The following C8A variants were observed in gnomAD, a reference collection of about 807,000 sequenced individuals.
C8A encodes the protein complement C8 alpha chain.
In C8A, 67 loss-of-function variants were observed where a neutral mutation model predicts 65.3. The ratio of observed to expected loss-of-function variants is 1.03; its 90% CI spans 0.84 to 1.26. C8A has a LOEUF of 1.26. C8A is among the 50% of genes most tolerant of loss of function. C8A has a pLI of 0.00. For synonymous variants in C8A, 290 were observed against 259.4 expected (o/e 1.12, Z -1.13); for missense variants, 781 against 723.9 (o/e 1.08, Z -0.90).
At chr1:56,913,771 G>A (rs1453945688) in intron 10 of C8A, among the ~76,000 whole-genome samples, 1 of 152,206 alleles carries the variant, frequency 6.6e-6, no homozygotes, top group African/African-American at 2.4e-5. Context: ...AAACAAAGAA[G>A]TCTGGATGGG....
At chr1:56,887,322 G>A (rs572597683) in intron 7 of C8A, among the ~76,000 whole-genome samples, 5 of 152,208 alleles carry the variant, frequency 3.3e-5, no homozygotes, top group South Asian at 2.1e-4. Flanking sequence ...TCCCACCAAC[G>A]GGGTAAAAGC....
intron 9 of C8A, among the ~76,000 whole-genome samples, chr1:56,911,070 T>TTTTTTTG (rs1553177914): frequency 6.6e-6 from 1 of 151,638 alleles, no homozygotes; most frequent in African/African-American, 2.4e-5. Flanking sequence ...CATGGGTTTT[T>TTTTTTTG]TTTTTTTTTT....
intron 2 of C8A, among the ~76,000 whole-genome samples, chr1:56,873,302 G>T (rs952206236): frequency 5.3e-5 from 8 of 152,140 alleles, no homozygotes; most frequent in Non-Finnish European, 8.8e-5. Flanking sequence ...CAGAAACAGG[G>T]CTGGGGGCTT....
intron 5 of C8A, among the ~76,000 whole-genome samples, chr1:56,882,328 T>C (rs1388035453): frequency 1.3e-5 from 2 of 152,122 alleles, no homozygotes; most frequent in African/African-American, 2.4e-5. Flanking sequence ...ATGTGTCAGA[T>C]CTTCTACTTT....
intron 10 of C8A, 132 bp downstream of exon 10, chr1:56,912,757 AGT>A: frequency 2.6e-6 from 2 of 767,232 alleles, no homozygotes; most frequent in South Asian, 1.5e-5. Context: ...CACCCTTGAG[AGT>A]TCTGTTACTC....
At chr1:56,912,891 G>C (rs1174106025) in intron 10 of C8A, among the ~76,000 whole-genome samples, 1 of 152,176 alleles carries the variant, frequency 6.6e-6, no homozygotes, top group Non-Finnish European at 1.5e-5. Context: ...GAATAAACTA[G>C]TTTCCTAGGG....
intron 1 of C8A, among the ~76,000 whole-genome samples, chr1:56,864,389 G>A (rs77696206): frequency 0.056 from 8,502 of 152,184 alleles, 269 homozygotes; most frequent in South Asian, 0.13. Context: ...AAAGAGAAGA[G>A]GGGGTCTTAT....
intron 7 of C8A, among the ~76,000 whole-genome samples, chr1:56,894,054 G>T (rs1290606634): frequency 1.3e-5 from 2 of 152,134 alleles, no homozygotes; most frequent in Non-Finnish European, 2.9e-5. Flanking sequence ...GCTGTACAGT[G>T]TAGGTGTTAT....
intron 7 of C8A, among the ~76,000 whole-genome samples, chr1:56,903,363 A>G (rs907503284): frequency 6.6e-6 from 1 of 152,016 alleles, no homozygotes; most frequent in African/African-American, 2.4e-5. Flanking sequence ...GTGCCATGGG[A>G]AGAAGGATGT....
At chr1:56,857,653 A>C (rs1485770480) in intron 1 of C8A, among the ~76,000 whole-genome samples, 1 of 151,944 alleles carries the variant, frequency 6.6e-6, no homozygotes, top group Non-Finnish European at 1.5e-5. Context: ...CTTGGGTTTG[A>C]GTTCACCATT....
intron 10 of C8A, among the ~76,000 whole-genome samples, chr1:56,916,739 T>C (rs1419332422): frequency 1.3e-5 from 2 of 152,130 alleles, no homozygotes; most frequent in African/African-American, 4.8e-5. Context: ...AAAATAAACA[T>C]TGAAAAAAAC....
intron 2 of C8A, among the ~76,000 whole-genome samples, chr1:56,870,083 A>G (rs1196551969): frequency 6.6e-6 from 1 of 152,104 alleles, no homozygotes; most frequent in African/African-American, 2.4e-5. Flanking sequence ...TCTGATCCCT[A>G]CGTGCTCATT....
At chr1:56,875,223 G>A (rs766017790) in intron 3 of C8A, 130 bp downstream of exon 3, 2 of 1,067,284 alleles carry the variant, frequency 1.9e-6, no homozygotes, top group Non-Finnish European at 2.8e-6. Context: ...CTAGGTTTGG[G>A]ATGGGTCCTA....
chr1:56,862,832 T>C (rs1359126378), intron 1 of C8A, among the ~76,000 whole-genome samples: 1 of 152,210 alleles, frequency 6.6e-6, no homozygotes, highest in Non-Finnish European at 1.5e-5. Flanking sequence ...CATGGAATTA[T>C]GAATGGCTCC....
chr1:56,867,573 T>C, intron 1 of C8A, 36 bp from the exon 2 acceptor site: 1 of 1,485,008 alleles, frequency 6.7e-7, no homozygotes, highest in Non-Finnish European at 9.4e-7. Flanking sequence ...AAATTTTGCA[T>C]CTCAAAATTG....
intron 4 of C8A, among the ~76,000 whole-genome samples, chr1:56,880,761 T>C (rs2101230256): frequency 6.6e-6 from 1 of 152,312 alleles, no homozygotes; most frequent in South Asian, 2.1e-4. Flanking sequence ...GTCCTTAATG[T>C]ATGCTGAGCA....
intron 1 of C8A, among the ~76,000 whole-genome samples, chr1:56,867,169 TG>T (rs1201267828): frequency 6.6e-6 from 1 of 152,200 alleles, no homozygotes; most frequent in Non-Finnish European, 1.5e-5. Context: ...TTTTAGGTAA[TG>T]TTTTTTAATG....
chr1:56,912,454 G>A lies in C8A; in HGVS notation c.1432G>A (p.Ala478Thr). Residue 478 changes from alanine (A) to threonine (T), a missense_variant, in exon 10 of 11, where the codon GCC becomes ACC. Coordinates refer to ENST00000361249, the MANE Select transcript of C8A (RefSeq NM_000562.3). ...LRHTSLGPLE[A>T]KRQNLRRALD... ...GCACACAAGCCTGGGGCCTCTGGAG[G>A]CCAAGCGCCAGAACCTGCGCCGCGC... 6.2e-7 allele frequency: 1 copy of A among 1,614,204 alleles called. No individual in the cohort carries two copies. Among genetic ancestry groups the A allele is most frequent in the Non-Finnish European group, 8.5e-7 (1 of 1,180,034 alleles).
At chr1:56,909,869 T>C (rs1644492723) in intron 9 of C8A, among the ~76,000 whole-genome samples, 3 of 152,146 alleles carry the variant, frequency 2.0e-5, no homozygotes, top group African/African-American at 4.8e-5. Context: ...GCACAATATC[T>C]CGAAATTGGC....
Sources: allele counts gnomAD v4.1 joint callset (sites outside exome capture counted in the v4.1 genomes callset), GRCh38; gene constraint gnomAD v4.1.1; transcripts MANE v1.5; gene names NCBI Gene and HGNC (gene_info 2026-07-23, HGNC 2026-07-21).